Variants in BTBD1 observed in about 807,000 individuals in gnomAD.
The protein encoded by BTBD1 is BTB domain containing 1.
Under a neutral mutation model 48.0 loss-of-function variants are expected in BTBD1, and 34 were observed. That is an observed-to-expected ratio of 0.71 (90% confidence interval 0.54 to 0.94). The LOEUF (loss-of-function observed/expected upper bound fraction) is 0.94, where lower values mean the gene tolerates loss of function less well. BTBD1 is among the 40% of genes least tolerant of loss of function. The pLI, the probability that BTBD1 is intolerant of heterozygous loss-of-function variation, is 0.00. For missense variants in BTBD1, 543 were observed against 625.6 expected (o/e 0.87, Z 1.41); for synonymous variants, 261 against 242.1 (o/e 1.08, Z -0.72).
chr15:83,044,356 C>T, intron 3 of BTBD1: 1 of 1,491,124 alleles, frequency 6.7e-7, no homozygotes, highest in Non-Finnish European at 9.1e-7. Flanking sequence ...TGCCCGCCCG[C>T]CCGTGCCCAC....
Position 83,053,045 on chromosome 15 carries a change from G to A in BTBD1, c.559-2867C>T, listed in dbSNP as rs535318832. On this transcript the variant is annotated intron_variant, in intron 2 of 7. Transcript: ENST00000261721. ...TTTTCTATAAAAATTATCTTATTCA[G>A]GGTAGCAAATGTCTGTCACTCCTTA... Among the ~76,000 whole-genome samples, 292 of 152,078 alleles carry A rather than the reference G, an allele frequency of 1.9e-3. 2 individuals are homozygous for A. The highest frequency in any genetic ancestry group is 3.4e-3 in the Middle Eastern group (1 of 292).
chr15:83,051,707 A>G (rs905886083), intron 2 of BTBD1, among the ~76,000 whole-genome samples: 4 of 150,072 alleles, frequency 2.7e-5, no homozygotes, highest in Admixed American at 6.7e-5. Context: ...GAATTTCCTT[A>G]TTTTTTTTTA....
chr15:83,055,139 G>A (rs1199934517), intron 2 of BTBD1, among the ~76,000 whole-genome samples: 2 of 152,164 alleles, frequency 1.3e-5, no homozygotes, highest in African/African-American at 2.4e-5. Flanking sequence ...GATATACAAA[G>A]TATAAAGCTC....
At chr15:83,051,578 C>T (rs2032982828) in intron 2 of BTBD1, among the ~76,000 whole-genome samples, 1 of 150,898 alleles carries the variant, frequency 6.6e-6, no homozygotes. Flanking sequence ...TACACTGAGC[C>T]TGTTTACAAT....
At chr15:83,056,207 TA>T (rs2033078476) in intron 2 of BTBD1, among the ~76,000 whole-genome samples, 181 bp downstream of exon 2, 1 of 152,198 alleles carries the variant, frequency 6.6e-6, no homozygotes, top group African/African-American at 2.4e-5. Context: ...CCATGGCCTC[TA>T]ATACACTTTT....
intron 4 of BTBD1, among the ~76,000 whole-genome samples, chr15:83,039,817 A>C (rs1347696558): frequency 6.6e-6 from 1 of 151,488 alleles, no homozygotes; most frequent in Non-Finnish European, 1.5e-5. Flanking sequence ...TCCCAAAAAA[A>C]CCAAAAAACA....
chr15:83,038,817 G>A (rs1395819248), intron 4 of BTBD1, among the ~76,000 whole-genome samples: 1 of 152,126 alleles, frequency 6.6e-6, no homozygotes, highest in Non-Finnish European at 1.5e-5. Flanking sequence ...TGCTGGGAAA[G>A]TTGGCTAGCC....
chr15:83,031,081 T>C (rs966028562), intron 4 of BTBD1, among the ~76,000 whole-genome samples: 1 of 152,248 alleles, frequency 6.6e-6, no homozygotes, highest in Non-Finnish European at 1.5e-5. Flanking sequence ...TTTCTAGTTC[T>C]AGATCCTTGA....
chr15:83,034,950 C>T (rs2032596415), intron 4 of BTBD1, among the ~76,000 whole-genome samples: 1 of 152,102 alleles, frequency 6.6e-6, no homozygotes, highest in South Asian at 2.1e-4. Flanking sequence ...TTTTTCTGCA[C>T]ATAACAAAGA....
intron 2 of BTBD1, among the ~76,000 whole-genome samples, chr15:83,051,138 A>AT (rs1202663315): frequency 2.6e-5 from 4 of 152,138 alleles, no homozygotes; most frequent in African/African-American, 9.7e-5. Flanking sequence ...AGGCATGCCA[A>AT]TGACCAACCT....
rs2032633304 is a variant in BTBD1, at chr15:83,036,498, T to G, written c.862+5230A>C. The stretch of plus-strand genomic sequence containing the variant: ...ATGAGTGTAAACTGTTACAACCACT[T>G]TAAGGGACTGTTTGGCAGGATGGCA... On this transcript the variant is annotated intron_variant, in intron 4 of 7. Coordinates refer to ENST00000261721, the MANE Select transcript of BTBD1 (RefSeq NM_025238.4). Among the ~76,000 whole-genome samples, 3 of 152,282 alleles carry G rather than the reference T, an allele frequency of 2.0e-5. No individual in the cohort carries two copies. In the South Asian group the frequency reaches 6.2e-4, roughly 32 times the overall value.
chr15:83,059,383 T>A (rs2033141446), intron 1 of BTBD1, among the ~76,000 whole-genome samples: 1 of 151,696 alleles, frequency 6.6e-6, no homozygotes, highest in Non-Finnish European at 1.5e-5. Flanking sequence ...CCGACTCTAC[T>A]AAAAACACAA....
In BTBD1 at chr15:83,020,718, T is replaced by A. The variant is rs753800542; in HGVS notation, c.1100A>T (p.Tyr367Phe). 6.2e-7 allele frequency: 1 copy of A among 1,609,518 alleles called. No homozygotes were observed. The highest frequency in any genetic ancestry group is 8.5e-7 in the Non-Finnish European group (1 of 1,176,206). The change falls in exon 6 of 8, where the codon TAT becomes TTT. Residue 367 changes from tyrosine to phenylalanine, a missense_variant. Transcript: ENST00000261721. ...RRISIVGFGL[Y>F]GSIHGPTDYQ... The stretch of plus-strand genomic sequence containing the variant: ...ATCTGTAGGGCCATGAATAGATCCA[T>A]ACAAGCCAAATCCAACTATAGAGAT...
chr15:83,024,862 A>G (rs2032372596), intron 5 of BTBD1, among the ~76,000 whole-genome samples: 1 of 152,094 alleles, frequency 6.6e-6, no homozygotes, highest in Non-Finnish European at 1.5e-5. Context: ...TCAGCCTCCC[A>G]AAGTGCTGGG....
intron 7 of BTBD1, 44 bp from the exon 8 acceptor site, chr15:83,018,269 G>T (rs766518196): frequency 1.0e-5 from 15 of 1,444,534 alleles, no homozygotes; most frequent in Non-Finnish European, 1.4e-5. Context: ...CATTTAATAA[G>T]CACTCAGTTT....
At chr15:83,018,947 T>G in intron 6 of BTBD1, 94 bp from the exon 7 acceptor site, 2 of 597,520 alleles carry the variant, frequency 3.3e-6, no homozygotes, top group Non-Finnish European at 4.6e-6. Flanking sequence ...TGTGCGTGTG[T>G]GTTTTGAGAC....
intron 3 of BTBD1, among the ~76,000 whole-genome samples, chr15:83,046,537 T>C (rs1406690469): frequency 6.6e-6 from 1 of 152,182 alleles, no homozygotes; most frequent in Non-Finnish European, 1.5e-5. Flanking sequence ...TACTTCAAGA[T>C]TCCCAGGCTC....
rs2033289720 is a variant in BTBD1, at chr15:83,066,957, C to G, written c.195G>C (p.Ser65=). The G allele has an allele frequency of 1.1e-5, 18 of 1,580,514 alleles. No homozygotes were observed. Among genetic ancestry groups the G allele is most frequent in the African/African-American group, 2.8e-5 (2 of 71,128 alleles). Residue 65 remains serine, a synonymous_variant, in exon 1 of 8, where the codon TCG becomes TCC. Coordinates refer to ENST00000261721, the MANE Select transcript of BTBD1 (RefSeq NM_025238.4). ...LKERFAFLFN[S]ELLSDVRFVL... is the part of the protein sequence containing the mutation. ...CGAAGCGCACATCGCTCAGCAGCTCCGAGTTGAAGAGGAAGGCGAAGCGCT... is the reference window on the plus strand; with the variant it reads ...CGAAGCGCACATCGCTCAGCAGCTCGGAGTTGAAGAGGAAGGCGAAGCGCT...
At chr15:83,064,596 T>C (rs1261034229) in intron 1 of BTBD1, among the ~76,000 whole-genome samples, 1 of 152,062 alleles carries the variant, frequency 6.6e-6, no homozygotes, top group Non-Finnish European at 1.5e-5. Flanking sequence ...CAAAATAGTT[T>C]TAGATTTGTG....
Sources: allele counts gnomAD v4.1 joint callset (sites outside exome capture counted in the v4.1 genomes callset), GRCh38; gene constraint gnomAD v4.1.1; transcripts MANE v1.5; gene names NCBI Gene and HGNC (gene_info 2026-07-23, HGNC 2026-07-21).